The following COL14A1 variants were observed in gnomAD, a reference collection of about 807,000 sequenced individuals.
COL14A1 encodes the protein collagen type XIV alpha 1 chain.
COL14A1 carries 136 observed loss-of-function variants against 230.3 expected under a neutral mutation model. That is an observed-to-expected ratio of 0.59 (90% CI 0.51 to 0.68). The LOEUF is 0.68. Among genes scored for constraint, COL14A1 ranks in the 30% least tolerant of loss-of-function variants. The probability of loss-of-function intolerance (pLI) is 0.00; values close to 1 mark genes in which losing one functional copy is unlikely to be tolerated. For missense variants in COL14A1, 1,976 were observed against 2,215.8 expected (o/e 0.89, Z 2.17); for synonymous variants, 792 against 784.1 (o/e 1.01, Z -0.17).
rs1440876390 is a variant in COL14A1, at chr8:120,315,956, G to A, written c.4618G>A (p.Gly1540Ser). ...GLPGPQGIPG[G>S]VGSPGRDGSP... ...CTGTTCTACACAGGGTATCCCAGGAGGCGTTGGTTCACCAGGACGTGATGG... is the reference window on the plus strand; with the variant it reads ...CTGTTCTACACAGGGTATCCCAGGAAGCGTTGGTTCACCAGGACGTGATGG... The change falls in exon 40 of 48, where the codon GGC becomes AGC. Residue 1540 changes from glycine (G) to serine (S), a missense_variant. Physicochemically the swap from Gly to Ser is moderately conservative, Grantham distance 56. Around this residue, in one of 3 missense-constraint regions of COL14A1, gnomAD observed 1,791 missense variants for 2,019.5 expected, o/e 0.89. Transcript: ENST00000297848. 6.2e-7 allele frequency: 1 copy of A among 1,613,948 alleles called. No homozygotes were observed. The highest frequency in any genetic ancestry group is 2.2e-5 in the East Asian group (1 of 44,872).
intron 35 of COL14A1, among the ~76,000 whole-genome samples, chr8:120,300,444 T>C (rs923910905): frequency 6.6e-6 from 1 of 152,076 alleles, no homozygotes; most frequent in African/African-American, 2.4e-5. Context: ...TAAATAGTAA[T>C]CAAGATTTTT....
chr8:120,227,503 T>C (rs1186213494), intron 17 of COL14A1, 151 bp downstream of exon 17: 6 of 956,376 alleles, frequency 6.3e-6, no homozygotes, highest in Non-Finnish European at 9.2e-6. Flanking sequence ...TCACTTTCAA[T>C]GAAACCAGTA....
chr8:120,285,412 CAAG>C (rs2129930821), intron 32 of COL14A1, among the ~76,000 whole-genome samples: 1 of 134,962 alleles, frequency 7.4e-6, no homozygotes, highest in East Asian at 2.2e-4. Flanking sequence ...TGCAGTGAGC[CAAG>C]ATCATGCCAC....
chr8:120,296,960 A>G (rs964630366), intron 34 of COL14A1, among the ~76,000 whole-genome samples: 3 of 152,040 alleles, frequency 2.0e-5, no homozygotes, highest in South Asian at 2.1e-4. Flanking sequence ...AAATGTTTGT[A>G]TCCTAAAAGT....
chr8:120,346,576 A>T (rs897696021), intron 45 of COL14A1, among the ~76,000 whole-genome samples: 1 of 152,216 alleles, frequency 6.6e-6, no homozygotes, highest in African/African-American at 2.4e-5. Context: ...TCATGCTAAC[A>T]GGCCTTGTGT....
At chr8:120,242,989 C>T (rs1440652915) in intron 19 of COL14A1, among the ~76,000 whole-genome samples, 1 of 152,162 alleles carries the variant, frequency 6.6e-6, no homozygotes, top group Non-Finnish European at 1.5e-5. Context: ...CTTGTGACTC[C>T]CTTAAACCCG....
intron 1 of COL14A1, among the ~76,000 whole-genome samples, chr8:120,134,187 C>A (rs1014141196): frequency 2.0e-5 from 3 of 151,938 alleles, no homozygotes; most frequent in Admixed American, 6.6e-5. Context: ...AATTGGTCTA[C>A]TAATTTAACA....
intron 5 of COL14A1, among the ~76,000 whole-genome samples, chr8:120,194,851 A>G (rs1816971782): frequency 6.6e-6 from 1 of 152,180 alleles, no homozygotes; most frequent in South Asian, 2.1e-4. Flanking sequence ...ACCAGACTTC[A>G]ATTTTCCCTG....
chr8:120,154,464 A>G (rs1815395374), intron 2 of COL14A1, among the ~76,000 whole-genome samples: 1 of 152,234 alleles, frequency 6.6e-6, no homozygotes, highest in Non-Finnish European at 1.5e-5. Context: ...CTACACTTTC[A>G]GTAACAAGCC....
At chr8:120,276,471 C>A (rs559228092) in intron 26 of COL14A1, among the ~76,000 whole-genome samples, 4 of 150,582 alleles carry the variant, frequency 2.7e-5, no homozygotes, top group African/African-American at 9.8e-5. Flanking sequence ...TACAATTCAA[C>A]CATGTAACCA....
At chr8:120,245,851 T>G (rs1214256091) in intron 20 of COL14A1, among the ~76,000 whole-genome samples, 1 of 152,184 alleles carries the variant, frequency 6.6e-6, no homozygotes, top group Non-Finnish European at 1.5e-5. Flanking sequence ...AGCTCAGGAC[T>G]GTAACAGCAA....
intron 45 of COL14A1, among the ~76,000 whole-genome samples, chr8:120,349,070 T>TCCCTGAC (rs1350679714): frequency 6.6e-6 from 1 of 152,030 alleles, no homozygotes; most frequent in Non-Finnish European, 1.5e-5. Context: ...CTCAAGTGGG[T>TCCCTGAC]CCCTGACCCC....
Position 120,247,683 on chromosome 8 carries a change from C to T in COL14A1, c.2550C>T (p.Asp850=), listed in dbSNP as rs61738288. The change falls in exon 21 of 48, where the codon GAC becomes GAT. Residue 850 remains aspartate (D), a synonymous_variant. Transcript: ENST00000297848. ...EWYNRLRITW[D]PPSSPVKGYR... is the part of the protein sequence containing the mutation. Reference sequence around the variant, plus strand: ...ATAACCGGTTGCGCATTACGTGGGACCCCCCATCTTCCCCGGTGAAAGGCT... The same window carrying T: ...ATAACCGGTTGCGCATTACGTGGGATCCCCCATCTTCCCCGGTGAAAGGCT... 5,337 of 1,613,932 alleles carry T rather than the reference C, an allele frequency of 3.3e-3. 163 individuals carry two copies. In the African/African-American group the frequency reaches 0.062, roughly 19 times the overall value.
chr8:120,255,853 C>T (rs1303866904), intron 23 of COL14A1, among the ~76,000 whole-genome samples: 1 of 151,762 alleles, frequency 6.6e-6, no homozygotes, highest in Non-Finnish European at 1.5e-5. Context: ...GTATCTACAG[C>T]ATCATGAACA....
intron 5 of COL14A1, among the ~76,000 whole-genome samples, chr8:120,188,750 T>A (rs980908313): frequency 1.3e-5 from 2 of 152,250 alleles, no homozygotes; most frequent in Non-Finnish European, 2.9e-5. Context: ...AAATACAGGC[T>A]TGCAGACAAA....
chr8:120,144,074 A>G (rs1220745878), intron 1 of COL14A1, among the ~76,000 whole-genome samples: 1 of 152,118 alleles, frequency 6.6e-6, no homozygotes. Context: ...ATAGTAGAGA[A>G]AATTATAGGA....
chr8:120,333,194 G>A (rs1821930121), intron 42 of COL14A1, among the ~76,000 whole-genome samples: 1 of 152,222 alleles, frequency 6.6e-6, no homozygotes, highest in African/African-American at 2.4e-5. Flanking sequence ...ATAAGTGAGA[G>A]GTGTTATAAG....
At chr8:120,326,829 C>A (rs1053429154) in intron 40 of COL14A1, among the ~76,000 whole-genome samples, 1 of 152,060 alleles carries the variant, frequency 6.6e-6, no homozygotes, top group Non-Finnish European at 1.5e-5. Flanking sequence ...AGTTTGAGAC[C>A]AGCCTGGCCA....
Position 120,283,734 on chromosome 8 carries a change from T to C in COL14A1, c.3923T>C (p.Ile1308Thr), listed in dbSNP as rs1221646414. 2 of 1,612,982 alleles carry C rather than the reference T, an allele frequency of 1.2e-6. No individual in the cohort carries two copies. The highest frequency in any genetic ancestry group is 2.2e-5 in the South Asian group (2 of 90,670). Residue 1308 changes from isoleucine to threonine, a missense_variant, in exon 32 of 48, where the codon ATT becomes ACT. Transcript: ENST00000297848. ...CAGGAGCCATTTGCTCTTTGGGAGA[T>C]TTTAAATAAAAATTCTGACCCATTG... ...TPQEPFALWE[I>T]LNKNSDPLVG...
Sources: gnomAD v4.1 joint callset for allele counts (sites outside exome capture counted in the v4.1 genomes callset) on GRCh38, gnomAD v4.1.1 for gene constraint, gnomAD v4.1.1 regional missense constraint, MANE v1.5 for transcripts, NCBI Gene and HGNC (gene_info 2026-07-23, HGNC 2026-07-21) for gene names.